Variants in DLGAP2 observed in about 807,000 individuals in gnomAD.
DLGAP2 encodes the protein disks large-associated protein 2.
In DLGAP2, 26 loss-of-function variants were observed where a neutral mutation model predicts 100.3. The observed-to-expected ratio is 0.26, with a 90% CI of 0.19 to 0.36. The LOEUF (loss-of-function observed/expected upper bound fraction) is 0.36, where lower values mean the gene tolerates loss of function less well. Among genes scored for constraint, DLGAP2 ranks in the 10% least tolerant of loss-of-function variants. The pLI is 1.00. For synonymous variants in DLGAP2, 886 were observed against 630.1 expected (o/e 1.41, Z -6.08); for missense variants, 1,858 against 1,453.2 (o/e 1.28, Z -4.53).
chr8:1,199,838 T>G (rs145251008), intron 2 of DLGAP2, among the ~76,000 whole-genome samples: 2 of 151,874 alleles, frequency 1.3e-5, no homozygotes, highest in East Asian at 3.9e-4. Context: ...AAAAAATAAC[T>G]CTTAGAAACA....
At chr8:1,084,243 A>G (rs1803901097) in intron 2 of DLGAP2, among the ~76,000 whole-genome samples, 1 of 152,252 alleles carries the variant, frequency 6.6e-6, no homozygotes, top group Non-Finnish European at 1.5e-5. Flanking sequence ...AAATGTATTC[A>G]TTATGTATTT....
intron 6 of DLGAP2, among the ~76,000 whole-genome samples, chr8:1,588,130 C>G (rs1424121898): frequency 6.6e-6 from 1 of 152,192 alleles, no homozygotes; most frequent in Non-Finnish European, 1.5e-5. Flanking sequence ...GAGTCACTCT[C>G]TTTACTGTCA....
At chr8:820,030 A>G (rs565983150) in intron 1 of DLGAP2, among the ~76,000 whole-genome samples, 8 of 152,354 alleles carry the variant, frequency 5.3e-5, no homozygotes, top group South Asian at 2.1e-4. Context: ...GTTCTTGTCT[A>G]CTAAGAGAAA....
Position 1,697,240 on chromosome 8 carries a change from G to A in DLGAP2, c.2890G>A (p.Asp964Asn), listed in dbSNP as rs545242845. 83 of 1,611,256 alleles carry A rather than the reference G, an allele frequency of 5.2e-5. No homozygotes were observed. The Middle Eastern group carries it at 1.5e-3, about 29-fold the overall frequency. ...CATTGAGGACGTCAGCATGAAGTTC[G>A]ACGAGCTGCAGCGGCTGCGGCTCAA... ...LSIEDVSMKF[D>N]ELQRLRLNDW... Residue 964 changes from aspartate to asparagine, a missense_variant, in exon 14 of 15, where the codon GAC becomes AAC. Transcript: ENST00000637795.
At chr8:1,279,083 C>G (rs1197124805) in intron 3 of DLGAP2, among the ~76,000 whole-genome samples, 1 of 152,174 alleles carries the variant, frequency 6.6e-6, no homozygotes, top group Non-Finnish European at 1.5e-5. Context: ...TTTTACAAAA[C>G]AAGAACAAAA....
At chr8:938,522 G>T (rs997712027) in intron 2 of DLGAP2, among the ~76,000 whole-genome samples, 2 of 152,098 alleles carry the variant, frequency 1.3e-5, no homozygotes, top group African/African-American at 4.8e-5. Context: ...AGCACACGGT[G>T]GGGGTAGGGA....
chr8:746,639 T>A (rs540163759), intron 1 of DLGAP2, among the ~76,000 whole-genome samples: 7 of 152,400 alleles, frequency 4.6e-5, no homozygotes, highest in African/African-American at 1.7e-4. Context: ...AGCTGCACAC[T>A]GGCAGGTGCT....
At chr8:1,445,351 G>C (rs1381301861) in intron 3 of DLGAP2, among the ~76,000 whole-genome samples, 3 of 148,238 alleles carry the variant, frequency 2.0e-5, no homozygotes, top group Admixed American at 1.4e-4. Flanking sequence ...TTGGTTTTTT[G>C]TCCTTGCAAT....
In DLGAP2 at chr8:888,643, G is replaced by C. The variant is rs191897744; in HGVS notation, c.19-19269G>C. ...AATAATCCGGTCCCTCTTCTGTTGG[G>C]GTGCTGCAGTTTGCTGGGGGTTCAC... is the stretch of plus-strand genomic sequence containing the variant. On this transcript the variant is annotated intron_variant, in intron 1 of 14. Coordinates refer to ENST00000637795, the MANE Select transcript of DLGAP2 (RefSeq NM_001346810.2). Among the ~76,000 whole-genome samples, 21 of 151,454 alleles carry C rather than the reference G, an allele frequency of 1.4e-4. No individual in the cohort carries two copies. The East Asian group carries it at 3.1e-3, about 22-fold the overall frequency.
intron 4 of DLGAP2, among the ~76,000 whole-genome samples, chr8:1,535,062 G>A (rs1023806256): frequency 4.6e-5 from 7 of 152,194 alleles, no homozygotes; most frequent in African/African-American, 1.4e-4. Context: ...GCAGGCACCC[G>A]GAGCCACCTT....
At chr8:1,242,861 C>T (rs1192974032) in intron 2 of DLGAP2, among the ~76,000 whole-genome samples, 2 of 151,870 alleles carry the variant, frequency 1.3e-5, no homozygotes, top group Non-Finnish European at 2.9e-5. Context: ...GGCAGATGGA[C>T]GGATGTGTGG....
intron 4 of DLGAP2, among the ~76,000 whole-genome samples, chr8:1,547,480 G>T (rs867355997): frequency 6.6e-6 from 1 of 152,080 alleles, no homozygotes; most frequent in Non-Finnish European, 1.5e-5. Context: ...AGGGTCTGGG[G>T]CAGGAGGGGC....
At chr8:1,325,438 C>T (rs757717782) in intron 3 of DLGAP2, among the ~76,000 whole-genome samples, 3 of 152,220 alleles carry the variant, frequency 2.0e-5, no homozygotes, top group African/African-American at 7.2e-5. Context: ...GCTGCTGTAG[C>T]GCGTTTTTGA....
At chr8:1,231,442 A>G (rs185480585) in intron 2 of DLGAP2, among the ~76,000 whole-genome samples, 12 of 152,338 alleles carry the variant, frequency 7.9e-5, no homozygotes, top group African/African-American at 4.8e-5. Context: ...TTTCTCAAAG[A>G]ATTTAGAACT....
chr8:1,033,904 T>G (rs1159489357), intron 2 of DLGAP2, among the ~76,000 whole-genome samples: 3 of 100,880 alleles, frequency 3.0e-5, no homozygotes, highest in Admixed American at 1.0e-4. Context: ...GCGAGTGGAC[T>G]CACACCCTCA....
At chr8:1,326,350 C>G (rs1016409535) in intron 3 of DLGAP2, among the ~76,000 whole-genome samples, 5 of 152,316 alleles carry the variant, frequency 3.3e-5, no homozygotes, top group East Asian at 1.9e-4. Flanking sequence ...TAAAAAAGTA[C>G]TTTAATATCA....
At chr8:1,091,299 A>T (rs2129041551) in intron 2 of DLGAP2, among the ~76,000 whole-genome samples, 1 of 152,324 alleles carries the variant, frequency 6.6e-6, no homozygotes, top group East Asian at 1.9e-4. Flanking sequence ...ATCTGCCGGC[A>T]CCTTGTCTGT....
At chr8:1,641,856 C>G (rs1797907984) in intron 8 of DLGAP2, among the ~76,000 whole-genome samples, 1 of 152,052 alleles carries the variant, frequency 6.6e-6, no homozygotes, top group Non-Finnish European at 1.5e-5. Context: ...ACTGTTGAAT[C>G]TGCCTCCCAT....
chr8:1,025,735 ATG>A (rs1484009400), intron 2 of DLGAP2, among the ~76,000 whole-genome samples: 5 of 152,132 alleles, frequency 3.3e-5, no homozygotes, highest in African/African-American at 1.2e-4. Context: ...AAAGGAACAA[ATG>A]ACAGGGGAGG....
Sources: allele counts gnomAD v4.1 joint callset (sites outside exome capture counted in the v4.1 genomes callset), GRCh38; gene constraint gnomAD v4.1.1; transcripts MANE v1.5; gene names NCBI Gene and HGNC (gene_info 2026-07-23, HGNC 2026-07-21).